The following KHDRBS1 variants were observed in gnomAD, a reference collection of about 807,000 sequenced individuals.
The protein encoded by KHDRBS1 is KH domain-containing, RNA-binding, signal transduction-associated protein 1.
KHDRBS1 carries 7 observed loss-of-function variants against 48.4 expected under a neutral mutation model. The observed-to-expected ratio is 0.14, with a 90% CI of 0.08 to 0.27. The LOEUF (loss-of-function observed/expected upper bound fraction) is 0.27. Ranked by LOEUF, KHDRBS1 falls within the 10% of genes least tolerant of loss-of-function variation. KHDRBS1 has a pLI of 1.00. For synonymous variants in KHDRBS1, 241 were observed against 235.8 expected (o/e 1.02, Z -0.20); for missense variants, 458 against 601.2 (o/e 0.76, Z 2.49).
intron 8 of KHDRBS1, among the ~76,000 whole-genome samples, chr1:32,041,428 A>G (rs1322820412): frequency 1.3e-5 from 2 of 152,032 alleles, no homozygotes; most frequent in East Asian, 3.9e-4. Flanking sequence ...ATTTAACGCA[A>G]TTTATTTTCA....
At chr1:32,016,677 C>T (rs1274829190) in intron 1 of KHDRBS1, among the ~76,000 whole-genome samples, 1 of 152,170 alleles carries the variant, frequency 6.6e-6, no homozygotes, top group Non-Finnish European at 1.5e-5. Context: ...AGACCCTGAG[C>T]ACTCTTCCTG....
chr1:32,049,081 G>GTGTTGCTC (rs1426159123), intron 10 of KHDRBS1, among the ~76,000 whole-genome samples: 3 of 151,276 alleles, frequency 2.0e-5, no homozygotes, highest in African/African-American at 7.3e-5. Flanking sequence ...TTGAGACGGG[G>GTGTTGCTC]TGTTGCTCTG....
At chr1:32,039,668 A>G in intron 8 of KHDRBS1, 95 bp downstream of exon 8, 1 of 767,768 alleles carries the variant, frequency 1.3e-6, no homozygotes, top group Non-Finnish European at 2.4e-6. Context: ...AAACACACCT[A>G]CGGATAAACC....
At chr1:32,040,595 T>G (rs1257563430) in intron 8 of KHDRBS1, among the ~76,000 whole-genome samples, 3 of 152,172 alleles carry the variant, frequency 2.0e-5, no homozygotes, top group Non-Finnish European at 4.4e-5. Context: ...GAGGTTTGGT[T>G]AAAAACACAT....
chr1:32,020,723 G>T (rs1330420137), intron 1 of KHDRBS1, among the ~76,000 whole-genome samples: 1 of 151,958 alleles, frequency 6.6e-6, no homozygotes, highest in African/African-American at 2.4e-5. Context: ...CATACTATAT[G>T]ATTTCATTAA....
At chr1:32,035,902 G>A (rs1255924722) in intron 4 of KHDRBS1, among the ~76,000 whole-genome samples, 1 of 152,132 alleles carries the variant, frequency 6.6e-6, no homozygotes, top group Non-Finnish European at 1.5e-5. Context: ...TCAAGAGAAA[G>A]TTTTTCAAGA....
At chr1:32,060,317 A>T (rs1323517713) in exon 11 of KHDRBS1, 1 of 152,216 alleles carries the variant, frequency 6.6e-6, no homozygotes. Context: ...GCCAGTCAGG[A>T]TCCCTTAAGA....
At chr1:32,015,269 C>T (rs1638718040) in intron 1 of KHDRBS1, among the ~76,000 whole-genome samples, 1 of 152,198 alleles carries the variant, frequency 6.6e-6, no homozygotes, top group African/African-American at 2.4e-5. Context: ...TTTTCCTCAT[C>T]AGCACTGGCC....
rs768052547 is a variant in KHDRBS1, at chr1:32,051,885, A to ATGGGCTCAC, written n.1301+6498_1301+6506dup. 8.7e-4 allele frequency among the ~76,000 whole-genome samples: 133 copies of ATGGGCTCAC among 152,330 alleles called. 1 individual carries two copies. The highest frequency in any genetic ancestry group is 1.4e-3 in the Non-Finnish European group (95 of 68,032). On this transcript the variant is annotated intron_variant and non_coding_transcript_variant, in intron 10 of 10. Transcript: ENST00000484270. ...TGGATTAGAGTGTGTTAGGCAACAC[A>ATGGGCTCAC]TGGGCTCACTGTCTTCTTGATATGT...
At chr1:32,033,081 T>G in intron 3 of KHDRBS1, 107 bp from the exon 4 acceptor site, 1 of 782,380 alleles carries the variant, frequency 1.3e-6, no homozygotes, top group Middle Eastern at 3.1e-4. Context: ...AACTTTACTG[T>G]TTTTCATGGA....
intron 10 of KHDRBS1, among the ~76,000 whole-genome samples, chr1:32,053,287 G>T (rs1639444752): frequency 6.6e-6 from 1 of 152,242 alleles, no homozygotes; most frequent in Admixed American, 6.5e-5. Context: ...AGAGAAAGGT[G>T]ATAGCATTTA....
intron 1 of KHDRBS1, among the ~76,000 whole-genome samples, chr1:32,018,409 C>T (rs1638786376): frequency 6.6e-6 from 1 of 152,014 alleles, no homozygotes; most frequent in Non-Finnish European, 1.5e-5. Flanking sequence ...TGCAGTGAGC[C>T]AAGATCGCAC....
rs1639310898 is a variant in KHDRBS1 at position 32,043,053 on chromosome 1, G to A, written c.*429G>A. ...TTGATTTGAGGCATCCCGTAAAGTTGTAGTTGCAGAATCCCAAACTAGGCT... is the reference window on the plus strand; with the variant it reads ...TTGATTTGAGGCATCCCGTAAAGTTATAGTTGCAGAATCCCAAACTAGGCT... On this transcript the variant is annotated 3_prime_UTR_variant, in exon 9 of 9. Coordinates refer to ENST00000327300, the MANE Select transcript of KHDRBS1 (RefSeq NM_006559.3). 6.5e-6 allele frequency: 1 copy of A among 153,356 alleles called. No individual in the cohort carries two copies. The highest frequency in any genetic ancestry group is 1.5e-5 in the Non-Finnish European group (1 of 68,620). 9.5% of individuals were successfully genotyped at this position (153,356 alleles called of 1,614,324 possible).
At chr1:32,046,494 C>T (rs958472507), downstream of KHDRBS1, among the ~76,000 whole-genome samples, 6 of 152,190 alleles carry the variant, frequency 3.9e-5, no homozygotes, top group Non-Finnish European at 8.8e-5. Context: ...AGATTACAGG[C>T]GTGAGCCACC....
chr1:32,038,446 T>C lies in KHDRBS1; in HGVS notation c.1108-106T>C, dbSNP rs561355949. The C allele has an allele frequency of 1.8e-4, 198 of 1,091,784 alleles. 2 individuals carry two copies. In the South Asian group the frequency reaches 2.6e-3, roughly 14 times the overall value. 67.6% of individuals were successfully genotyped at this position (1,091,784 alleles called of 1,614,324 possible). A position where few individuals can be genotyped will look rare whatever the true frequency, so the allele number is the denominator to read the frequency against. On this transcript the variant is annotated intron_variant, in intron 6 of 8. Transcript: ENST00000327300. ...ATTAACATTTTGGAGGGAAATGTCA[T>C]GTCCTTTTAATTCAGAAGCCTACTT...
downstream of KHDRBS1, among the ~76,000 whole-genome samples, chr1:32,046,710 A>G (rs2124395531): frequency 6.6e-6 from 1 of 152,312 alleles, no homozygotes; most frequent in East Asian, 1.9e-4. Context: ...TTAGGATGAC[A>G]CTGAGGAGAA....
chr1:32,023,349 T>C (rs1293072998), intron 1 of KHDRBS1, among the ~76,000 whole-genome samples: 1 of 152,228 alleles, frequency 6.6e-6, no homozygotes, highest in Non-Finnish European at 1.5e-5. Context: ...AGTTTTGAGA[T>C]CTTGGACAAG....
exon 11 of KHDRBS1, chr1:32,060,623 G>A (rs189255338): frequency 9.2e-5 from 14 of 152,316 alleles, no homozygotes; most frequent in African/African-American, 3.4e-4. Context: ...TCCCAAGGGA[G>A]GGTGATCACT....
chr1:32,038,199 TC>T (rs1484465462), intron 6 of KHDRBS1, 163 bp downstream of exon 6: 2 of 1,168,898 alleles, frequency 1.7e-6, no homozygotes, highest in East Asian at 5.2e-5. Flanking sequence ...AGAAGATTTT[TC>T]CATTTTAGGC....
Sources: allele counts gnomAD v4.1 joint callset (sites outside exome capture counted in the v4.1 genomes callset), GRCh38; gene constraint gnomAD v4.1.1; transcripts MANE v1.5; gene names NCBI Gene and HGNC (gene_info 2026-07-23, HGNC 2026-07-21).